SMG1: variants seen among roughly 807,000 people sequenced by gnomAD.
SMG1 encodes the protein SMG1 nonsense mediated mRNA decay associated PI3K related kinase.
SMG1 carries 22 observed loss-of-function variants against 419.9 expected under a neutral mutation model. That is an observed-to-expected ratio of 0.05 (90% CI 0.04 to 0.07). The LOEUF is 0.07. SMG1 is among the 10% of genes least tolerant of loss of function. SMG1 has a pLI of 1.00. For missense variants in SMG1, 3,185 were observed against 4,342.0 expected (o/e 0.73, Z 7.49); for synonymous variants, 1,538 against 1,553.5 (o/e 0.99, Z 0.23).
At chr16:18,821,253 T>TTTTTTTTTTTTTTTTTTC (rs2032535390) in intron 55 of SMG1, among the ~76,000 whole-genome samples, 1 of 24,844 alleles carries the variant, frequency 4.0e-5, no homozygotes, top group African/African-American at 2.3e-4. Flanking sequence ...TTTTTTTTTC[T>TTTTTTTTTTTTTTTTTTC]TTTTTTTTTT....
At chr16:18,861,452 C>T (rs2141485170) in intron 25 of SMG1, 1 of 151,894 alleles carries the variant, frequency 6.6e-6, no homozygotes, top group Middle Eastern at 3.4e-3. Context: ...ATGACACGGG[C>T]TCTCCAGCCA....
chr16:18,876,238 T>C lies in SMG1; in HGVS notation c.1776A>G (p.Ile592Met). 6.2e-7 allele frequency: 1 copy of C among 1,611,806 alleles called. No individual in the cohort carries two copies. Among genetic ancestry groups the C allele is most frequent in the Middle Eastern group, 2.3e-4 (1 of 4,428 alleles). ...CATGATTCTTAAAAGCCTCATGTTT[T>C]ATTTCAGAACAGGCCTCAGGAAGTT... The part of the protein sequence containing the change: ...SLQLPEACSE[I>M]KHEAFKNHVF... The change falls in exon 13 of 63, where the codon ATA becomes ATG. Residue 592 changes from isoleucine to methionine, a missense_variant. Around this residue, in one of 27 missense-constraint regions of SMG1, gnomAD observed 297 missense variants for 491.0 expected, o/e 0.60. Coordinates refer to ENST00000446231, the MANE Select transcript of SMG1 (RefSeq NM_015092.5).
chr16:18,831,654 G>A (rs1252520268), intron 51 of SMG1, among the ~76,000 whole-genome samples: 1 of 150,852 alleles, frequency 6.6e-6, no homozygotes, highest in Non-Finnish European at 1.5e-5. Context: ...TACTAGGGAG[G>A]CTGAGCCAGG....
intron 45 of SMG1, 120 bp from the exon 46 acceptor site, chr16:18,837,563 C>T (rs570043445): frequency 1.4e-5 from 11 of 793,488 alleles, no homozygotes; most frequent in African/African-American, 5.2e-5. Context: ...AGGGGTGATG[C>T]GTTGCCTCCA....
chr16:18,885,312 G>T, intron 7 of SMG1, 150 bp from the exon 8 acceptor site: 1 of 646,714 alleles, frequency 1.5e-6, no homozygotes, highest in Non-Finnish European at 2.7e-6. Context: ...AGAGGGGCAG[G>T]AAAATAAAAG....
chr16:18,858,232 C>T lies in SMG1; in HGVS notation c.4172G>A (p.Arg1391Lys). 1.2e-6 allele frequency: 2 copies of T among 1,609,410 alleles called. No homozygotes were observed. The highest frequency in any genetic ancestry group is 1.7e-6 in the Non-Finnish European group (2 of 1,177,624). Residue 1391 changes from arginine to lysine, a missense_variant, in exon 29 of 63, where the codon AGG (arginine) becomes AAG (lysine). Physicochemically the swap from Arg to Lys is conservative, Grantham distance 26 (BLOSUM62 2). Transcript: ENST00000446231. ...ALRSCKQHDV[R>K]PWMQALRYTM... ...ATACCTTAATGCCTGCATCCATGGC[C>T]TCACGTCATGCTGTTTACATGAACG...
At chr16:18,869,759 A>AC (rs2035711792) in intron 19 of SMG1, 95 bp downstream of exon 19, 1 of 1,002,528 alleles carries the variant, frequency 1.0e-6, no homozygotes, top group Admixed American at 2.1e-5. Flanking sequence ...ATACTCTGCC[A>AC]CCCCCAAACA....
At position 18,815,171 on chromosome 16, in the gene SMG1, C is replaced by A; in HGVS notation, c.10621+4G>T. ...CAGATCAAGACTCAGGACTCTTCTC[C>A]TACCTGCAGCGAAGGATGGCTGATA... On this transcript the variant is annotated splice_donor_region_variant and intron_variant, in intron 60 of 62. Transcript: ENST00000446231. 6.4e-7 allele frequency: 1 copy of A among 1,568,210 alleles called. No individual in the cohort carries two copies. Among genetic ancestry groups the A allele is most frequent in the East Asian group, 2.3e-5 (1 of 43,288 alleles).
At chr16:18,871,751 C>G (rs1295136809) in intron 15 of SMG1, among the ~76,000 whole-genome samples, 1 of 151,936 alleles carries the variant, frequency 6.6e-6, no homozygotes, top group Non-Finnish European at 1.5e-5. Context: ...GCCTGGCCAA[C>G]AACATGGTGA....
intron 1 of SMG1, among the ~76,000 whole-genome samples, chr16:18,914,251 A>G (rs1274114943): frequency 2.0e-5 from 3 of 152,170 alleles, no homozygotes; most frequent in Non-Finnish European, 4.4e-5. Context: ...AAATAACCAT[A>G]AAGTCCTACA....
chr16:18,895,355 T>C (rs987051539), intron 3 of SMG1, among the ~76,000 whole-genome samples: 1 of 152,032 alleles, frequency 6.6e-6, no homozygotes, highest in African/African-American at 2.4e-5. Context: ...GGCATGCACC[T>C]GTAACCCCAG....
rs191853178 is a variant in SMG1 at position 18,908,995 on chromosome 16, G to A, written c.93-12039C>T. 1.5e-3 allele frequency among the ~76,000 whole-genome samples: 229 copies of A among 152,130 alleles called. 2 individuals are homozygous for A. The highest frequency in any genetic ancestry group is 3.4e-3 in the Middle Eastern group (1 of 292). On this transcript the variant is annotated intron_variant, in intron 1 of 62. Coordinates refer to ENST00000446231, the MANE Select transcript of SMG1 (RefSeq NM_015092.5). ...CAACAGGTTGAAGCACATTCCCAGGGAATGACATGTTTATAAGATTTTCTA... is the reference window on the plus strand; with the variant it reads ...CAACAGGTTGAAGCACATTCCCAGGAAATGACATGTTTATAAGATTTTCTA...
chr16:18,820,934 T>TA (rs1567321650), intron 55 of SMG1, among the ~76,000 whole-genome samples: 1 of 152,154 alleles, frequency 6.6e-6, no homozygotes, highest in Non-Finnish European at 1.5e-5. Flanking sequence ...TTCTCTTATG[T>TA]AAAAAAATAA....
intron 29 of SMG1, chr16:18,857,116 T>C (rs1380379138): frequency 1.1e-4 from 17 of 152,336 alleles, no homozygotes; most frequent in South Asian, 2.1e-4. Flanking sequence ...CCAGGTATAT[T>C]TGGCAGTGAA....
chr16:18,816,457 T>A lies in SMG1; in HGVS notation c.10147A>T (p.Met3383Leu). 1 of 1,613,990 alleles carries A rather than the reference T, an allele frequency of 6.2e-7. No individual in the cohort carries two copies. The highest frequency in any genetic ancestry group is 8.5e-7 in the Non-Finnish European group (1 of 1,179,878). ...LSAHKQLTQD[M>L]STQRAIQTEK... is the part of the protein sequence containing the mutation. The stretch of plus-strand genomic sequence containing the variant: ...GTCTGAATTGCCCTCTGAGTAGACA[T>A]ATCCTGGGTCAACTGTTTGTGTGCT... Residue 3383 changes from methionine to leucine, a missense_variant, in exon 58 of 63, where the codon ATG (methionine) becomes TTG (leucine). Around this residue, in one of 27 missense-constraint regions of SMG1, gnomAD observed 737 missense variants for 846.6 expected, o/e 0.87. Transcript: ENST00000446231.
Position 18,882,297 on chromosome 16 carries a change from A to T in SMG1, c.1161T>A (p.Asp387Glu). The change falls in exon 10 of 63, where the codon GAT (aspartate) becomes GAA (glutamate). Residue 387 changes from aspartate to glutamate, a missense_variant. Around this residue, in one of 27 missense-constraint regions of SMG1, gnomAD observed 52 missense variants for 69.0 expected, o/e 0.75. Transcript: ENST00000446231. ...HVASGESVDE[D>E]VPPPSVSLPK... ...GTAATGACACTGATGGAGGAGGGAC[A>T]TCTTCATCCACTGATTCCCCAGAGG... The T allele has an allele frequency of 6.2e-7, 1 of 1,609,330 alleles. No individual in the cohort carries two copies. The highest frequency in any genetic ancestry group is 2.2e-5 in the East Asian group (1 of 44,852).
intron 55 of SMG1, among the ~76,000 whole-genome samples, chr16:18,826,741 A>C (rs1435720389): frequency 1.1e-4 from 2 of 18,750 alleles, no homozygotes; most frequent in African/African-American, 3.5e-4. Flanking sequence ...CCAGAGGTGG[A>C]GCCTACAGAG....
At chr16:18,861,584 CT>C (rs1330782259) in intron 25 of SMG1, 15 of 152,316 alleles carry the variant, frequency 9.8e-5, no homozygotes, top group African/African-American at 3.6e-4. Flanking sequence ...CTGACTTATT[CT>C]GTGCCTGATT....
chr16:18,877,562 A>C (rs1355466880), intron 11 of SMG1: 2 of 184,148 alleles, frequency 1.1e-5, no homozygotes, highest in Admixed American at 5.4e-5. Flanking sequence ...AAGTCCATAG[A>C]ATACATAACA....
Sources: allele counts gnomAD v4.1 joint callset (sites outside exome capture counted in the v4.1 genomes callset), GRCh38; gene constraint gnomAD v4.1.1; regional missense constraint gnomAD v4.1.1; transcripts MANE v1.5; gene names NCBI Gene and HGNC (gene_info 2026-07-23, HGNC 2026-07-21).